The following SNRPA1 variants were observed in gnomAD, a reference collection of about 807,000 sequenced individuals.
The protein encoded by SNRPA1 is small nuclear ribonucleoprotein polypeptide A'.
A neutral mutation model predicts 32.3 loss-of-function variants in SNRPA1; 5 were observed. The ratio of observed to expected loss-of-function variants is 0.15; its 90% CI spans 0.08 to 0.33. SNRPA1 has a LOEUF of 0.33. Ranked by LOEUF, SNRPA1 falls within the 10% of genes least tolerant of loss-of-function variation. SNRPA1 has a pLI of 1.00. For missense variants in SNRPA1, 198 were observed against 311.1 expected (o/e 0.64, Z 2.74); for synonymous variants, 111 against 120.1 (o/e 0.92, Z 0.50).
intron 3 of SNRPA1, chr15:101,289,971 A>T (rs888249422): frequency 2.0e-5 from 3 of 150,738 alleles, no homozygotes; most frequent in African/African-American, 7.4e-5. Flanking sequence ...TAAGAGAGAA[A>T]TCTAAACTAC....
chr15:101,286,300 C>T lies in SNRPA1; in HGVS notation c.460-7G>A, dbSNP rs577038855. 19 of 1,613,218 alleles carry T rather than the reference C, an allele frequency of 1.2e-5. No homozygotes were observed. Among genetic ancestry groups the T allele is most frequent in the Middle Eastern group, 1.7e-4 (1 of 6,060 alleles). ...TCTCTGCTTCCTGACGCTCCTACAG[C>T]GACACCACACACAGAGTTAATGGAA... On this transcript the variant is annotated splice_region_variant and splice_polypyrimidine_tract_variant and intron_variant, in intron 5 of 8. Transcript: ENST00000254193.
At chr15:101,293,332 T>C in intron 1 of SNRPA1, 160 bp from the exon 2 acceptor site, 2 of 506,228 alleles carry the variant, frequency 4.0e-6, no homozygotes, top group South Asian at 3.8e-5. Context: ...TGCCGCTGTT[T>C]AAGATACTAG....
chr15:101,288,067 A>C (rs545133664), intron 3 of SNRPA1: 146 of 229,616 alleles, frequency 6.4e-4, no homozygotes, highest in Non-Finnish European at 9.7e-4. Context: ...ATCTTGGTGT[A>C]AGTGGGCTTT....
At chr15:101,293,282 G>T (rs934831511) in intron 1 of SNRPA1, 110 bp from the exon 2 acceptor site, 4 of 746,344 alleles carry the variant, frequency 5.4e-6, no homozygotes, top group Non-Finnish European at 6.3e-6. Context: ...GATTTATTCA[G>T]GAAGTATTAC....
chr15:101,286,517 C>A (rs2141307969), intron 5 of SNRPA1: 2 of 512,698 alleles, frequency 3.9e-6, no homozygotes, highest in South Asian at 3.2e-5. Context: ...TCCCAGGGAA[C>A]TAAGAAGGCA....
intron 8 of SNRPA1, among the ~76,000 whole-genome samples, chr15:101,284,041 T>C (rs1028159804): frequency 2.6e-5 from 4 of 152,400 alleles, no homozygotes; most frequent in African/African-American, 9.6e-5. Context: ...TGTCCCCAGT[T>C]ACATTCATAT....
intron 1 of SNRPA1, 122 bp downstream of exon 1, chr15:101,294,975 G>C (rs925931582): frequency 7.0e-6 from 4 of 568,758 alleles, no homozygotes; most frequent in Middle Eastern, 3.6e-4. Context: ...TGCGCAGCCC[G>C]GTCGGAGCCC....
chr15:101,293,317 T>G, intron 1 of SNRPA1, 145 bp from the exon 2 acceptor site: 1 of 532,628 alleles, frequency 1.9e-6, no homozygotes, highest in East Asian at 3.2e-5. Flanking sequence ...GGGTCACGCA[T>G]GACTTGCCGC....
intron 8 of SNRPA1, among the ~76,000 whole-genome samples, chr15:101,284,302 G>A (rs2039430043): frequency 6.6e-6 from 1 of 152,220 alleles, no homozygotes; most frequent in Non-Finnish European, 1.5e-5. Context: ...AGCTGGTGAA[G>A]CTGAGATTTG....
chr15:101,286,957 T>A lies in SNRPA1; in HGVS notation c.410A>T (p.Tyr137Phe). The A allele has an allele frequency of 6.2e-7, 1 of 1,608,570 alleles. No individual in the cohort carries two copies. The highest frequency in any genetic ancestry group is 8.5e-7 in the Non-Finnish European group (1 of 1,175,272). Residue 137 changes from tyrosine to phenylalanine, a missense_variant, in exon 5 of 9, where the codon TAT (tyrosine) becomes TTT (phenylalanine). This residue lies in a region of SNRPA1 where 119 missense variants were observed against 171.6 expected (regional missense o/e 0.69). Coordinates refer to ENST00000254193, the MANE Select transcript of SNRPA1 (RefSeq NM_003090.4). ...CAGTACTCTGACTTGCGGAACTTTA[T>A]AAATCACATACAATCTGTAATGCTT... is the stretch of plus-strand genomic sequence containing the variant. ...NKKHYRLYVI[Y>F]KVPQVRVLDF...
rs916041114 is a variant in SNRPA1, at chr15:101,286,792, T to C, written c.459+116A>G. On this transcript the variant is annotated intron_variant, in intron 5 of 8. Coordinates refer to ENST00000254193, the MANE Select transcript of SNRPA1 (RefSeq NM_003090.4). ...GATGTAACATTTTCCCTCCCACTTT[T>C]ATTACAAACTAATGGTAAAATTTAC... 4 of 618,850 alleles carry C rather than the reference T, an allele frequency of 6.5e-6. No homozygotes were observed. In the African/African-American group the frequency reaches 7.4e-5, roughly 11 times the overall value. 38.3% of individuals were successfully genotyped at this position (618,850 alleles called of 1,614,324 possible).
intron 3 of SNRPA1, chr15:101,287,949 C>G (rs1402703470): frequency 2.3e-6 from 1 of 431,832 alleles, no homozygotes; most frequent in African/African-American, 2.0e-5. Context: ...AATTGCTTTC[C>G]TACAGGAATC....
Position 101,285,809 on chromosome 15 carries a change from G to C in SNRPA1, c.540-8C>G, listed in dbSNP as rs917477326. The C allele has an allele frequency of 6.2e-7, 1 of 1,611,164 alleles. No individual in the cohort carries two copies. On this transcript the variant is annotated splice_region_variant and splice_polypyrimidine_tract_variant and intron_variant, in intron 6 of 8. Transcript: ENST00000254193. The stretch of plus-strand genomic sequence containing the variant: ...CCAGCACCTGGATTAAAACTTAAGA[G>C]GGGGAAGAACATAACTGTTAGACCT...
chr15:101,283,270 C>T (rs2039416735), intron 8 of SNRPA1, among the ~76,000 whole-genome samples: 2 of 152,170 alleles, frequency 1.3e-5, no homozygotes, highest in South Asian at 2.1e-4. Context: ...AGTCTTCGGC[C>T]AGGCGCGGTG....
rs1186243814 is a variant in SNRPA1 at position 101,295,056 on chromosome 15, G to T, written c.82+41C>A. On this transcript the variant is annotated intron_variant, in intron 1 of 8. Coordinates refer to ENST00000254193, the MANE Select transcript of SNRPA1 (RefSeq NM_003090.4). ...CAAAGCGCGGAAAATAAGGCGGCTC[G>T]GTGCCGCCTGGGGACTGGCCGCCCA... is the stretch of plus-strand genomic sequence containing the variant. 7 of 1,299,954 alleles carry T rather than the reference G, an allele frequency of 5.4e-6. 1 individual carries two copies. Among genetic ancestry groups the T allele is most frequent in the Middle Eastern group, 4.2e-4 (2 of 4,752 alleles). 80.5% of individuals were successfully genotyped at this position (1,299,954 alleles called of 1,614,324 possible). A position where few individuals can be genotyped will look rare whatever the true frequency, so the allele number is the denominator to read the frequency against.
intron 3 of SNRPA1, among the ~76,000 whole-genome samples, chr15:101,291,169 T>C (rs1254136644): frequency 6.6e-6 from 1 of 152,212 alleles, no homozygotes; most frequent in Non-Finnish European, 1.5e-5. Flanking sequence ...GCATGAGCTA[T>C]GGCACCTGGC....
At chr15:101,285,646 C>T (rs191257005) in intron 7 of SNRPA1, 80 bp downstream of exon 7, 27 of 959,270 alleles carry the variant, frequency 2.8e-5, no homozygotes, top group African/African-American at 2.1e-4. Context: ...CTGCAATGTT[C>T]GGAACATGTT....
At chr15:101,294,963 C>G (rs1360977739) in intron 1 of SNRPA1, 134 bp downstream of exon 1, 2 of 533,334 alleles carry the variant, frequency 3.8e-6, no homozygotes, top group Non-Finnish European at 3.2e-6. Flanking sequence ...CCCGGCGTTC[C>G]CTGCGCAGCC....
rs957749035 is a variant in SNRPA1, at chr15:101,295,225, C to T, written c.-47G>A. On this transcript the variant is annotated 5_prime_UTR_variant, in exon 1 of 9. Coordinates refer to ENST00000254193, the MANE Select transcript of SNRPA1 (RefSeq NM_003090.4). ...GCGCTGTGGAAAGCCCGTGGCCTCC[C>T]GCCAGCGAGACGTCCCAGCGTGCCC... 1.4e-6 allele frequency: 2 copies of T among 1,458,080 alleles called. No individual in the cohort carries two copies. Among genetic ancestry groups the T allele is most frequent in the Admixed American group, 2.4e-5 (1 of 41,850 alleles). 90.3% of individuals were successfully genotyped at this position (1,458,080 alleles called of 1,614,324 possible).
Sources: gnomAD v4.1 joint callset for allele counts (sites outside exome capture counted in the v4.1 genomes callset) on GRCh38, gnomAD v4.1.1 for gene constraint, gnomAD v4.1.1 regional missense constraint, MANE v1.5 for transcripts, NCBI Gene and HGNC (gene_info 2026-07-23, HGNC 2026-07-21) for gene names.